CENPT: variants seen among roughly 807,000 people sequenced by gnomAD.
CENPT encodes interphase centromere complex protein 22.
In CENPT, 42 loss-of-function variants were observed where a neutral mutation model predicts 59.7. The ratio of observed to expected loss-of-function variants is 0.70; its 90% CI spans 0.55 to 0.91. The LOEUF (loss-of-function observed/expected upper bound fraction) is 0.91, where lower values mean the gene tolerates loss of function less well. Ranked by LOEUF, CENPT falls within the 40% of genes least tolerant of loss-of-function variation. CENPT has a pLI of 0.00. For synonymous variants in CENPT, 295 were observed against 289.6 expected (o/e 1.02, Z -0.19); for missense variants, 716 against 713.4 (o/e 1.00, Z -0.04).
chr16:67,842,843 G>C lies in CENPT; in HGVS notation c.-492+4558C>G. On this transcript the variant is annotated intron_variant, in intron 1 of 15. Transcript: ENST00000562787. The surrounding 1 kb of genome is among the most constrained non-coding windows in gnomAD (Gnocchi z 4.9). ...CAAAGTAGCGCGCAGACCCGCTGGGGCCGCGGCCGCCCGCCGCAGGCAGCA... is the reference window on the plus strand; with the variant it reads ...CAAAGTAGCGCGCAGACCCGCTGGGCCCGCGGCCGCCCGCCGCAGGCAGCA... 1 of 1,606,258 alleles carries C rather than the reference G, an allele frequency of 6.2e-7. No individual in the cohort carries two copies. Among genetic ancestry groups the C allele is most frequent in the Non-Finnish European group, 8.5e-7 (1 of 1,178,896 alleles).
chr16:67,837,571 G>A (rs981431620), intron 1 of CENPT, among the ~76,000 whole-genome samples: 5 of 152,074 alleles, frequency 3.3e-5, no homozygotes, highest in African/African-American at 1.2e-4. Context: ...AGCCGGGCAC[G>A]ATGGCAGGTG....
At chr16:67,828,429 C>T (rs1598135098) in intron 15 of CENPT, 39 bp from the exon 16 acceptor site, 1 of 1,613,638 alleles carries the variant, frequency 6.2e-7, no homozygotes, top group Non-Finnish European at 8.5e-7. Context: ...AGAATCAGCA[C>T]CAAAACTCCC....
At chr16:67,831,941 T>C (rs1251046527) in intron 7 of CENPT, 51 bp from the exon 8 acceptor site, 2 of 1,592,694 alleles carry the variant, frequency 1.3e-6, no homozygotes, top group Non-Finnish European at 1.7e-6. Flanking sequence ...AATTCTGGCT[T>C]TTGCAACCCC....
chr16:67,832,217 C>T lies in CENPT; in HGVS notation c.289+11G>A, dbSNP rs753122348. On this transcript the variant is annotated intron_variant, in intron 6 of 15. Transcript: ENST00000562787. ...TACCTAACTCTGACCGGCAGGCCAG[C>T]GCTCACTTACCAGTTAGTAGGATGT... 5.6e-6 allele frequency: 9 copies of T among 1,613,742 alleles called. No homozygotes were observed. Among genetic ancestry groups the T allele is most frequent in the South Asian group, 4.4e-5 (4 of 91,068 alleles).
In CENPT at chr16:67,828,654, G is replaced by T. The variant is rs779590867; in HGVS notation, c.1457+13C>A. On this transcript the variant is annotated intron_variant, in intron 14 of 15. Transcript: ENST00000562787. ...AGGGGTTCCTCTCCCTACCCCATGT[G>T]CCCAGGACTCACCACTTCTCCACCA... The T allele has an allele frequency of 1.2e-6, 2 of 1,614,120 alleles. No homozygotes were observed. The highest frequency in any genetic ancestry group is 2.2e-5 in the South Asian group (2 of 91,078).
At position 67,832,125 on chromosome 16, in the gene CENPT, G is replaced by T; in HGVS notation, c.290-17C>A. The T allele has an allele frequency of 6.2e-7, 1 of 1,610,494 alleles. No homozygotes were observed. Among genetic ancestry groups the T allele is most frequent in the Non-Finnish European group, 8.5e-7 (1 of 1,177,240 alleles). ...ATTCTGGGGCTGCAGAAACACCAAG[G>T]AGAGGGTGGGGCTGACAGAACAGGC... On this transcript the variant is annotated splice_polypyrimidine_tract_variant and intron_variant, in intron 6 of 15. Transcript: ENST00000562787.
rs535115573 is a variant in CENPT, at chr16:67,834,243, C to T, written c.-241-143G>A. On this transcript the variant is annotated intron_variant, in intron 3 of 15. Transcript: ENST00000562787. Reference sequence around the variant, plus strand: ...TATTAGAAGGCTCTCTCATTCCCATCTCCCTCTCCGAAGATGAGGAGAGAC... The same window carrying T: ...TATTAGAAGGCTCTCTCATTCCCATTTCCCTCTCCGAAGATGAGGAGAGAC... 11 of 180,052 alleles carry T rather than the reference C, an allele frequency of 6.1e-5. No individual in the cohort carries two copies. In the East Asian group the frequency reaches 1.4e-3, roughly 23 times the overall value. 11.2% of individuals were successfully genotyped at this position (180,052 alleles called of 1,614,324 possible).
chr16:67,842,497 C>G lies in CENPT; in HGVS notation c.-492+4904G>C. 1.4e-6 allele frequency: 2 copies of G among 1,388,770 alleles called. No homozygotes were observed. The highest frequency in any genetic ancestry group is 1.9e-6 in the Non-Finnish European group (2 of 1,071,548). 86.0% of individuals were successfully genotyped at this position (1,388,770 alleles called of 1,614,324 possible). A position where few individuals can be genotyped will look rare whatever the true frequency, so the allele number is the denominator to read the frequency against. On this transcript the variant is annotated intron_variant, in intron 1 of 15. Transcript: ENST00000562787. This position sits in a 1 kb window ranked among gnomAD's most constrained non-coding sequence, Gnocchi z 4.9. The stretch of plus-strand genomic sequence containing the variant: ...CGAGGGGCGGGCGGCGGCGTAGCCA[C>G]TGGGCCGTCGAAGAGCGCAGGAGGC...
chr16:67,831,541 C>G, intron 9 of CENPT, 35 bp downstream of exon 9: 1 of 1,612,526 alleles, frequency 6.2e-7, no homozygotes. Context: ...CTCTCCTCCA[C>G]CCACTCCCAG....
Position 67,843,433 on chromosome 16 carries a change from C to G in CENPT, c.-492+3968G>C, listed in dbSNP as rs2057778568. 6.2e-7 allele frequency: 1 copy of G among 1,613,908 alleles called. No homozygotes were observed. Among genetic ancestry groups the G allele is most frequent in the African/African-American group, 1.3e-5 (1 of 74,928 alleles). ...TGCGTCTCACTGAGGCCAAGCTGCG[C>G]GAAGAACTGCGTGAGAAGGATCGGC... On this transcript the variant is annotated intron_variant, in intron 1 of 15. Transcript: ENST00000562787. This position sits in a 1 kb window ranked among gnomAD's most constrained non-coding sequence, Gnocchi z 5.7.
chr16:67,829,659 C>A, intron 12 of CENPT, 106 bp downstream of exon 12: 1 of 1,368,666 alleles, frequency 7.3e-7, no homozygotes, highest in Admixed American at 2.1e-5. Context: ...TCTCCCTGAC[C>A]CCCTACCACC....
chr16:67,829,321 A>C, intron 13 of CENPT, 102 bp downstream of exon 13: 3 of 909,838 alleles, frequency 3.3e-6, no homozygotes, highest in Non-Finnish European at 4.8e-6. Context: ...CTGCTGGGTA[A>C]TCATCTGCAT....
intron 10 of CENPT, chr16:67,830,909 C>A: frequency 5.8e-6 from 3 of 521,680 alleles, no homozygotes; most frequent in Non-Finnish European, 1.0e-5. Flanking sequence ...GCTCCCAGGT[C>A]AGTTTGAATT....
In CENPT at chr16:67,831,883, G is replaced by C. The variant is rs1340555637; in HGVS notation, c.394C>G (p.Leu132Val). Residue 132 changes from leucine (L) to valine (V), a missense_variant, in exon 8 of 16, where the codon CTG (leucine) becomes GTG (valine). Coordinates refer to ENST00000562787, the MANE Select transcript of CENPT (RefSeq NM_025082.4). Reference sequence around the variant, plus strand: ...GGGGGCTCGAGCTCAGGAAGTTGCAGCTCCAGGCTATAAGAATGGAGCTTA... The same window carrying C: ...GGGGGCTCGAGCTCAGGAAGTTGCACCTCCAGGCTATAAGAATGGAGCTTA... ...RQESSCGSLE[L>V]QLPELEPPTT... 1.2e-5 allele frequency: 20 copies of C among 1,611,278 alleles called. No homozygotes were observed. The highest frequency in any genetic ancestry group is 1.5e-5 in the Non-Finnish European group (18 of 1,179,244).
chr16:67,830,612 C>G, intron 10 of CENPT, 64 bp from the exon 11 acceptor site: 1 of 1,543,450 alleles, frequency 6.5e-7, no homozygotes, highest in South Asian at 1.1e-5. Context: ...AGCTGGCTCT[C>G]AGCGTATTCC....
Position 67,833,892 on chromosome 16 carries a change from C to T in CENPT, c.-33G>A. On this transcript the variant is annotated 5_prime_UTR_variant, in exon 4 of 16. Transcript: ENST00000562787. ...GCCCCGGGCCCTCCTAACCGCCCAG[C>T]CAGCTGCAGGCTCCGCCTTCCCGCC... 2.9e-6 allele frequency: 4 copies of T among 1,379,974 alleles called. No homozygotes were observed. The highest frequency in any genetic ancestry group is 6.4e-5 in the Admixed American group (2 of 31,188). The allele number at this position is 1,379,974 out of a possible 1,614,324, so 85.5% of individuals were successfully genotyped here.
chr16:67,831,077 C>T (rs998986596), intron 10 of CENPT, 139 bp downstream of exon 10: 5 of 1,105,342 alleles, frequency 4.5e-6, no homozygotes, highest in Non-Finnish European at 6.7e-6. Context: ...GCAGAAATTC[C>T]TTGTAGACCC....
intron 1 of CENPT, 85 bp downstream of exon 1, chr16:67,847,316 T>G (rs1219923455): frequency 6.6e-6 from 1 of 152,304 alleles, no homozygotes; most frequent in Non-Finnish European, 1.5e-5. Flanking sequence ...CCCCGCCCCG[T>G]CTAGCCTGGC....
rs759113520 is a variant in CENPT, at chr16:67,833,845, G to C, written c.15C>G (p.Asn5Lys). Residue 5 changes from asparagine (N) to lysine (K), a missense_variant, in exon 4 of 16, where the codon AAC becomes AAG. Transcript: ENST00000562787. Reference protein sequence around the residue: MADHNPDSDSTPRTL... With the variant: MADHKPDSDSTPRTL... ...TGCGCGGCGTGGAGTCGCTGTCAGG[G>C]TTGTGGTCAGCCATCGTCTCGGCCC... 6.4e-6 allele frequency: 10 copies of C among 1,560,778 alleles called. No individual in the cohort carries two copies. Among genetic ancestry groups the C allele is most frequent in the Non-Finnish European group, 8.6e-6 (10 of 1,156,124 alleles).
Sources: gnomAD v4.1 joint callset for allele counts (sites outside exome capture counted in the v4.1 genomes callset) on GRCh38, gnomAD v4.1.1 for gene constraint, Gnocchi (gnomAD v3.1) non-coding constraint, MANE v1.5 for transcripts, NCBI Gene and HGNC (gene_info 2026-07-23, HGNC 2026-07-21) for gene names.